The following ORC2 variants were observed in gnomAD, a reference collection of about 807,000 sequenced individuals.
The protein encoded by ORC2 is origin recognition complex protein 2 homolog.
Under a neutral mutation model 77.7 loss-of-function variants are expected in ORC2, and 37 were observed. The observed-to-expected ratio is 0.48, with a 90% CI of 0.37 to 0.63. The LOEUF (loss-of-function observed/expected upper bound fraction) is 0.63. Among genes scored for constraint, ORC2 ranks in the 20% least tolerant of loss-of-function variants. The pLI is 0.00. For synonymous variants in ORC2, 201 were observed against 229.5 expected (o/e 0.88, Z 1.12); for missense variants, 557 against 661.9 (o/e 0.84, Z 1.74).
intron 1 of ORC2, among the ~76,000 whole-genome samples, chr2:200,962,859 T>G (rs1398903053): frequency 1.3e-5 from 2 of 152,214 alleles, no homozygotes; most frequent in East Asian, 3.8e-4. Context: ...AAATGAAAAG[T>G]AACGTCTCAA....
At chr2:200,962,762 T>C (rs1182880915) in intron 1 of ORC2, among the ~76,000 whole-genome samples, 8 of 152,248 alleles carry the variant, frequency 5.3e-5, no homozygotes, top group African/African-American at 1.4e-4. Flanking sequence ...AGTGCCCTTA[T>C]ATAACGGTGT....
At chr2:200,938,469 G>C (rs993160419) in intron 7 of ORC2, among the ~76,000 whole-genome samples, 1 of 152,128 alleles carries the variant, frequency 6.6e-6, no homozygotes, top group African/African-American at 2.4e-5. Context: ...TCTTTGAGGA[G>C]AGAAGGAGAG....
chr2:200,930,316 C>T (rs1330077385), intron 11 of ORC2, among the ~76,000 whole-genome samples: 1 of 152,104 alleles, frequency 6.6e-6, no homozygotes. Flanking sequence ...AACTTGCTGA[C>T]TATAAGGTCT....
At position 200,935,384 on chromosome 2, in the gene ORC2, A is replaced by G. The variant is rs16835970; in HGVS notation, c.708+315T>C. Among the ~76,000 whole-genome samples, 439 of 152,320 alleles carry G rather than the reference A, an allele frequency of 2.9e-3. 3 individuals carry two copies. Among genetic ancestry groups the G allele is most frequent in the African/African-American group, 0.01 (429 of 41,588 alleles). ...GTGATCCACCCGCCTTGGCCTCCCA[A>G]AGTGCTGGGATTACAGGCATGAGCC... On this transcript the variant is annotated intron_variant, in intron 9 of 17. Transcript: ENST00000234296.
At chr2:200,917,871 A>T (rs1336789381) in intron 15 of ORC2, among the ~76,000 whole-genome samples, 1 of 152,074 alleles carries the variant, frequency 6.6e-6, no homozygotes, top group African/African-American at 2.4e-5. Context: ...GTAAAAGAAA[A>T]ATAAATGGAA....
intron 1 of ORC2, 150 bp downstream of exon 1, chr2:200,963,340 C>A (rs1452451382): frequency 5.0e-6 from 2 of 397,498 alleles, no homozygotes; most frequent in Non-Finnish European, 8.9e-6. Context: ...AAAGACCATG[C>A]CCCAAGTGCC....
chr2:200,942,907 T>C (rs1230069927), intron 5 of ORC2, 130 bp from the exon 6 acceptor site: 2 of 501,058 alleles, frequency 4.0e-6, no homozygotes, highest in Admixed American at 7.4e-5. Flanking sequence ...ATCCTACCCA[T>C]ATTAGGAGTA....
intron 11 of ORC2, among the ~76,000 whole-genome samples, chr2:200,929,651 C>A (rs1212377127): frequency 1.3e-5 from 2 of 151,974 alleles, no homozygotes; most frequent in Non-Finnish European, 2.9e-5. Context: ...AAAAAATTAG[C>A]CCAGGCATGG....
In ORC2 at chr2:200,931,465, G is replaced by A. The variant is rs368295965; in HGVS notation, c.808-17C>T. On this transcript the variant is annotated splice_polypyrimidine_tract_variant and intron_variant, in intron 10 of 17. Coordinates refer to ENST00000234296, the MANE Select transcript of ORC2 (RefSeq NM_006190.5). ...CAAAGTTTGCTTTAAAAAAAAGGAG[G>A]AGGGGAAAAAAGTCATTCTCAAAGC... The A allele has an allele frequency of 5.0e-5, 71 of 1,411,752 alleles. No individual in the cohort carries two copies. The highest frequency in any genetic ancestry group is 6.3e-5 in the Non-Finnish European group (64 of 1,021,866). The allele number at this position is 1,411,752 out of a possible 1,614,324, so 87.5% of individuals were successfully genotyped here.
rs1181179606 is a variant in ORC2 at position 200,909,918 on chromosome 2, T to G, written c.*1383A>C. The G allele has an allele frequency of 1.3e-5, 2 of 152,122 alleles. No individual in the cohort carries two copies. The highest frequency in any genetic ancestry group is 2.9e-5 in the Non-Finnish European group (2 of 68,032). 9.4% of individuals were successfully genotyped at this position (152,122 alleles called of 1,614,324 possible). On this transcript the variant is annotated 3_prime_UTR_variant, in exon 18 of 18. Transcript: ENST00000234296. ...CTAGGACTATAGGCATGGGCCACCA[T>G]GCCCGGATGATTTTTTAAATTTTTT...
intron 4 of ORC2, among the ~76,000 whole-genome samples, chr2:200,953,831 GTA>G (rs1218462192): frequency 1.3e-5 from 2 of 151,998 alleles, no homozygotes; most frequent in East Asian, 3.9e-4. Flanking sequence ...TTTTGTGTGT[GTA>G]TGAGATAAAT....
rs1321068244 is a variant in ORC2, at chr2:200,921,096, G to C, written c.1191C>G (p.Ser397Arg). 1 of 1,607,068 alleles carries C rather than the reference G, an allele frequency of 6.2e-7. No individual in the cohort carries two copies. The highest frequency in any genetic ancestry group is 1.3e-5 in the African/African-American group (1 of 74,664). The change falls in exon 14 of 18, where the codon AGC (serine) becomes AGG (arginine). Residue 397 changes from serine to arginine, a missense_variant. Ser to Arg is a moderately radical substitution (Grantham distance 110). Coordinates refer to ENST00000234296, the MANE Select transcript of ORC2 (RefSeq NM_006190.5). ...ELFLLIHNLD[S>R]QMLRGEKSQQ... is the part of the protein sequence containing the mutation. The stretch of plus-strand genomic sequence containing the variant: ...GGCTCTTCTCTCCTCTCAACATCTG[G>C]CTATCCAAATTGTGGATGAGAAGGA...
Position 200,913,801 on chromosome 2 carries a change from A to T in ORC2, c.1528+130T>A, listed in dbSNP as rs115602326. Reference sequence around the variant, plus strand: ...TGCTTGAAAATTTGCTATGTGGCAGACATACCCATCATGAGTGACCACTTA... The same window carrying T: ...TGCTTGAAAATTTGCTATGTGGCAGTCATACCCATCATGAGTGACCACTTA... On this transcript the variant is annotated intron_variant, in intron 16 of 17. Transcript: ENST00000234296. The T allele has an allele frequency of 5.6e-3, 8,046 of 1,425,498 alleles. 370 individuals carry two copies. In the African/African-American group the frequency reaches 0.1, roughly 18 times the overall value. The allele number at this position is 1,425,498 out of a possible 1,614,324, so 88.3% of individuals were successfully genotyped here.
intron 17 of ORC2, among the ~76,000 whole-genome samples, chr2:200,912,161 G>T (rs1466493184): frequency 5.3e-5 from 8 of 152,030 alleles, no homozygotes; most frequent in African/African-American, 1.7e-4. Flanking sequence ...TTATCTCCTA[G>T]CTCTCTATTC....
At chr2:200,928,184 T>C (rs1037687149) in intron 11 of ORC2, among the ~76,000 whole-genome samples, 5 of 151,796 alleles carry the variant, frequency 3.3e-5, no homozygotes, top group African/African-American at 1.2e-4. Context: ...GGTGAAATCC[T>C]GTCTCTACTA....
At chr2:200,955,432 T>C (rs920469630) in intron 4 of ORC2, among the ~76,000 whole-genome samples, 5 of 152,236 alleles carry the variant, frequency 3.3e-5, no homozygotes, top group African/African-American at 1.2e-4. Flanking sequence ...TTCATTAATA[T>C]AATAAGTAAT....
chr2:200,924,892 G>A (rs2040817375), intron 13 of ORC2, among the ~76,000 whole-genome samples: 2 of 152,068 alleles, frequency 1.3e-5, no homozygotes, highest in Middle Eastern at 3.4e-3. Context: ...CCAAGTAGCT[G>A]GGACTACAGG....
intron 15 of ORC2, among the ~76,000 whole-genome samples, chr2:200,914,703 T>TGGGAGCTTGAGGCTGTAC (rs2040610369): frequency 6.6e-6 from 1 of 152,138 alleles, no homozygotes; most frequent in South Asian, 2.1e-4. Context: ...CACTTGAGCC[T>TGGGAGCTTGAGGCTGTAC]GGGAGCTTGA....
At chr2:200,944,222 G>A (rs923579434) in intron 5 of ORC2, among the ~76,000 whole-genome samples, 22 of 151,834 alleles carry the variant, frequency 1.4e-4, no homozygotes, top group African/African-American at 5.1e-4. Context: ...CGCCCAGGCT[G>A]GAGTGCAGTG....
Sources: gnomAD v4.1 joint callset for allele counts (sites outside exome capture counted in the v4.1 genomes callset) on GRCh38, gnomAD v4.1.1 for gene constraint, MANE v1.5 for transcripts, NCBI Gene and HGNC (gene_info 2026-07-23, HGNC 2026-07-21) for gene names.